TNFSF4: variants seen among roughly 807,000 people sequenced by gnomAD.
TNFSF4 encodes TNF superfamily member 4, also known as tumor necrosis factor ligand superfamily member 4.
Under a neutral mutation model 7.3 loss-of-function variants are expected in TNFSF4, and 4 were observed. The ratio of observed to expected loss-of-function variants is 0.55; its 90% confidence interval spans 0.27 to 1.25. The LOEUF (loss-of-function observed/expected upper bound fraction) is 1.25, where lower values mean the gene tolerates loss of function less well. Among genes scored for constraint, TNFSF4 ranks in the 50% most tolerant of loss-of-function variants. TNFSF4 has a pLI of 0.12. For synonymous variants in TNFSF4, 76 were observed against 83.7 expected (o/e 0.91, Z 0.50); for missense variants, 181 against 208.8 (o/e 0.87, Z 0.82).
chr1:173,351,029 T>G, the TNFSF4 span, among the ~76,000 whole-genome samples: 1 of 152,208 alleles, frequency 6.6e-6, no homozygotes, highest in African/African-American at 2.4e-5. Flanking sequence ...GTACACACTC[T>G]GAGCATTTTC....
chr1:173,369,459 GA>G, the TNFSF4 span, among the ~76,000 whole-genome samples: 24 of 152,300 alleles, frequency 1.6e-4, no homozygotes, highest in African/African-American at 5.8e-4. Flanking sequence ...GGTCTAGGAG[GA>G]AAACTAGTGT....
At chr1:173,421,338 C>A in the TNFSF4 span, among the ~76,000 whole-genome samples, 3 of 152,064 alleles carry the variant, frequency 2.0e-5, no homozygotes, top group South Asian at 6.2e-4. Flanking sequence ...GGCAACCTGA[C>A]CCCCATTTTA....
the TNFSF4 span, among the ~76,000 whole-genome samples, chr1:173,333,047 C>A: frequency 2.0e-5 from 3 of 152,042 alleles, no homozygotes; most frequent in Non-Finnish European, 4.4e-5. Context: ...AAATTACATG[C>A]GATATCACGC....
the TNFSF4 span, among the ~76,000 whole-genome samples, chr1:173,250,819 T>C: frequency 6.6e-6 from 1 of 152,170 alleles, no homozygotes; most frequent in African/African-American, 2.4e-5. Context: ...GGGAGAGAAG[T>C]AGTATGAGAT....
chr1:173,190,976 G>A, intron 1 of TNFSF4, among the ~76,000 whole-genome samples: 1 of 152,180 alleles, frequency 6.6e-6, no homozygotes, highest in East Asian at 1.9e-4. Flanking sequence ...TTTAGAAGTT[G>A]TGACTTTAAG....
chr1:173,277,821 C>T, the TNFSF4 span, among the ~76,000 whole-genome samples: 1 of 152,098 alleles, frequency 6.6e-6, no homozygotes, highest in African/African-American at 2.4e-5. Flanking sequence ...CAATGACAAA[C>T]GAGAGTCCTG....
chr1:173,199,762 C>T (rs1649860797), intron 1 of TNFSF4, among the ~76,000 whole-genome samples: 1 of 152,132 alleles, frequency 6.6e-6, no homozygotes, highest in African/African-American at 2.4e-5. Flanking sequence ...GTGCAAATTA[C>T]ACTATCACTT....
the TNFSF4 span, among the ~76,000 whole-genome samples, chr1:173,218,873 A>T: frequency 6.6e-6 from 1 of 152,154 alleles, no homozygotes; most frequent in Non-Finnish European, 1.5e-5. Context: ...TAAACTGAGA[A>T]AGTCCCAAGT....
the TNFSF4 span, among the ~76,000 whole-genome samples, chr1:173,332,584 G>T: frequency 6.6e-6 from 1 of 151,794 alleles, no homozygotes; most frequent in Non-Finnish European, 1.5e-5. Flanking sequence ...GGCCAGGTGC[G>T]GTGGCTCATG....
At chr1:173,275,178 C>T in the TNFSF4 span, among the ~76,000 whole-genome samples, 1 of 152,046 alleles carries the variant, frequency 6.6e-6, no homozygotes, top group African/African-American at 2.4e-5. Context: ...CCCTTTGTCC[C>T]TAAGTCCCAT....
the TNFSF4 span, among the ~76,000 whole-genome samples, chr1:173,315,502 A>T: frequency 3.3e-5 from 5 of 152,184 alleles, no homozygotes; most frequent in African/African-American, 9.6e-5. Flanking sequence ...ATAAAAGACT[A>T]CTGAAGATTT....
At chr1:173,405,823 T>C in the TNFSF4 span, among the ~76,000 whole-genome samples, 4 of 152,216 alleles carry the variant, frequency 2.6e-5, no homozygotes, top group South Asian at 2.1e-4. Flanking sequence ...AGCATGAGCA[T>C]TGGATTTGAT....
At chr1:173,392,660 T>C in the TNFSF4 span, among the ~76,000 whole-genome samples, 2 of 152,204 alleles carry the variant, frequency 1.3e-5, no homozygotes, top group Non-Finnish European at 2.9e-5. Flanking sequence ...ATTCTTGGCA[T>C]TTTAGAAGGC....
the TNFSF4 span, among the ~76,000 whole-genome samples, chr1:173,369,829 T>A: frequency 6.6e-6 from 1 of 152,132 alleles, no homozygotes; most frequent in Non-Finnish European, 1.5e-5. Flanking sequence ...AAATACTTTA[T>A]GTCCAAGCTT....
the TNFSF4 span, among the ~76,000 whole-genome samples, chr1:173,438,735 T>C: frequency 6.6e-6 from 1 of 152,338 alleles, no homozygotes; most frequent in African/African-American, 2.4e-5. Flanking sequence ...TATTTATTTA[T>C]ATGTTCTACT....
At chr1:173,317,982 G>A in the TNFSF4 span, among the ~76,000 whole-genome samples, 4 of 152,062 alleles carry the variant, frequency 2.6e-5, no homozygotes, top group Admixed American at 1.3e-4. Flanking sequence ...AGAACAAATG[G>A]CTGAAAAATA....
chr1:173,329,910 A>C, the TNFSF4 span, among the ~76,000 whole-genome samples: 516 of 152,170 alleles, frequency 3.4e-3, 1 homozygote, highest in African/African-American at 0.012. Context: ...TAAAAATGCC[A>C]GTGTCATCAC....
At chr1:173,419,911 G>T in the TNFSF4 span, among the ~76,000 whole-genome samples, 4 of 152,086 alleles carry the variant, frequency 2.6e-5, no homozygotes, top group South Asian at 6.2e-4. Context: ...GTGGCGGGGG[G>T]GGGGATGAGA....
the TNFSF4 span, among the ~76,000 whole-genome samples, chr1:173,239,752 C>T: frequency 2.0e-5 from 3 of 152,020 alleles, no homozygotes; most frequent in Admixed American, 6.6e-5. Context: ...TCAGTGGGAC[C>T]GGGCACAGTG....
Sources: gnomAD v4.1 joint callset for allele counts (sites outside exome capture counted in the v4.1 genomes callset) on GRCh38, gnomAD v4.1.1 for gene constraint, MANE v1.5 for transcripts, NCBI Gene and HGNC (gene_info 2026-07-23, HGNC 2026-07-21) for gene names.